FKBP5: variants seen among roughly 807,000 people sequenced by gnomAD.
FKBP5 encodes the protein peptidyl-prolyl cis-trans isomerase FKBP5.
Under a neutral mutation model 50.5 loss-of-function variants are expected in FKBP5, and 23 were observed. The observed-to-expected ratio is 0.46, with a 90% confidence interval of 0.33 to 0.65. The LOEUF (loss-of-function observed/expected upper bound fraction) is 0.65. Among genes scored for constraint, FKBP5 ranks in the 30% least tolerant of loss-of-function variants. The pLI is 0.02. For synonymous variants in FKBP5, 176 were observed against 190.6 expected (o/e 0.92, Z 0.63); for missense variants, 411 against 553.1 (o/e 0.74, Z 2.58).
intron 1 of FKBP5, among the ~76,000 whole-genome samples, chr6:35,679,545 AGT>A (rs1765612567): frequency 6.6e-6 from 1 of 152,238 alleles, no homozygotes; most frequent in Admixed American, 6.5e-5. Flanking sequence ...AAGTTAAATG[AGT>A]AAAGAAAACA....
chr6:35,709,851 A>G (rs1171928730), intron 2 of FKBP5, among the ~76,000 whole-genome samples: 1 of 149,158 alleles, frequency 6.7e-6, no homozygotes, highest in Admixed American at 6.8e-5. Flanking sequence ...TTGTGCATCT[A>G]TGATCTTTAA....
chr6:35,634,968 T>C (rs760581055), intron 3 of FKBP5, among the ~76,000 whole-genome samples: 28 of 146,156 alleles, frequency 1.9e-4, no homozygotes, highest in African/African-American at 6.5e-4. Context: ...GGCGGGCAGA[T>C]TGCTTGAGCC....
At chr6:35,635,026 C>CAAAAAAAAGAAAA (rs1764268280) in intron 3 of FKBP5, among the ~76,000 whole-genome samples, 1 of 75,140 alleles carries the variant, frequency 1.3e-5, no homozygotes, top group Non-Finnish European at 2.6e-5. Flanking sequence ...CCTGTCTCTA[C>CAAAAAAAAGAAAA]AAAAAAAAAA....
At chr6:35,599,677 A>G (rs1186039702) in intron 5 of FKBP5, among the ~76,000 whole-genome samples, 1 of 152,184 alleles carries the variant, frequency 6.6e-6, no homozygotes, top group Non-Finnish European at 1.5e-5. Context: ...CAGCTCCTCC[A>G]AACAAGGGCT....
At chr6:35,701,223 G>GTTTTTTTTTT (rs71002592) in intron 2 of FKBP5, among the ~76,000 whole-genome samples, 4 of 148,220 alleles carry the variant, frequency 2.7e-5, no homozygotes, top group African/African-American at 7.4e-5. Context: ...TTGTTTGTTT[G>GTTTTTTTTTT]TTTGTTTTTG....
intron 9 of FKBP5, among the ~76,000 whole-genome samples, chr6:35,579,184 CGCTCTGT>C (rs1762341014): frequency 6.6e-6 from 1 of 151,716 alleles, no homozygotes. Context: ...TCTCTCTCTC[CGCTCTGT>C]ATGAAAAAAA....
intron 2 of FKBP5, among the ~76,000 whole-genome samples, chr6:35,697,076 C>T (rs372086588): frequency 1.6e-4 from 24 of 152,100 alleles, no homozygotes; most frequent in Non-Finnish European, 3.2e-4. Flanking sequence ...TAATTCCACT[C>T]GTAGGTATTT....
intron 3 of FKBP5, among the ~76,000 whole-genome samples, chr6:35,633,929 C>G (rs553849818): frequency 1.3e-5 from 2 of 152,290 alleles, no homozygotes; most frequent in South Asian, 4.1e-4. Flanking sequence ...ACCGCACTGA[C>G]TCTAGACAGG....
intron 2 of FKBP5, among the ~76,000 whole-genome samples, chr6:35,641,156 T>G (rs1277227446): frequency 6.6e-6 from 1 of 152,122 alleles, no homozygotes; most frequent in Non-Finnish European, 1.5e-5. Context: ...TTTTTTTAAT[T>G]TTTTTTCTAC....
At chr6:35,637,182 A>G in intron 2 of FKBP5, 24 bp from the exon 3 acceptor site, 1 of 1,598,266 alleles carries the variant, frequency 6.3e-7, no homozygotes, top group Non-Finnish European at 8.5e-7. Context: ...ACATTAAGAA[A>G]AAGGAGGTCA....
chr6:35,590,965 T>C (rs373332356), intron 7 of FKBP5, among the ~76,000 whole-genome samples, 165 bp downstream of exon 7: 82 of 151,422 alleles, frequency 5.4e-4, no homozygotes, highest in African/African-American at 1.7e-3. Flanking sequence ...AGCTGTGCTA[T>C]GTCAGTTGTT....
intron 6 of FKBP5, among the ~76,000 whole-genome samples, chr6:35,594,991 C>T (rs914952906): frequency 2.6e-5 from 4 of 152,278 alleles, no homozygotes; most frequent in Admixed American, 2.6e-4. Flanking sequence ...GGTGAGCCGT[C>T]ACAATAGCAA....
intron 1 of FKBP5, among the ~76,000 whole-genome samples, chr6:35,687,969 C>T (rs1765880062): frequency 6.6e-6 from 1 of 152,260 alleles, no homozygotes; most frequent in Admixed American, 6.5e-5. Flanking sequence ...TATACTGTGA[C>T]CGGTGCACCT....
At chr6:35,711,157 A>G (rs939350979) in intron 2 of FKBP5, among the ~76,000 whole-genome samples, 1 of 151,920 alleles carries the variant, frequency 6.6e-6, no homozygotes, top group Non-Finnish European at 1.5e-5. Flanking sequence ...CTGTTTCTAC[A>G]AAAAGAAAAA....
At chr6:35,582,015 A>C (rs909150670) in intron 8 of FKBP5, 2 of 985,454 alleles carry the variant, frequency 2.0e-6, no homozygotes, top group Admixed American at 6.1e-5. Context: ...GTGATGTAAG[A>C]AACGAGCTCT....
chr6:35,666,663 G>A (rs1765235854), intron 1 of FKBP5, among the ~76,000 whole-genome samples: 1 of 152,126 alleles, frequency 6.6e-6, no homozygotes, highest in Non-Finnish European at 1.5e-5. Flanking sequence ...AGCTGAGGCA[G>A]GCGGATCACG....
chr6:35,626,068 C>G (rs571236489), intron 3 of FKBP5, among the ~76,000 whole-genome samples: 1 of 152,064 alleles, frequency 6.6e-6, no homozygotes, highest in Non-Finnish European at 1.5e-5. Context: ...CGTGAGCCAC[C>G]GTGCCTGGCC....
rs545459566 is a variant in FKBP5, at chr6:35,677,172, C to T, written c.-20+11632G>A. On this transcript the variant is annotated intron_variant, in intron 1 of 10. Transcript: ENST00000357266. Reference sequence around the variant, plus strand: ...CACTGCAAGCTCCGCCTCCCGGGTTCACTCCATTCTCCTGCCTCAGCCTCC... The same window carrying T: ...CACTGCAAGCTCCGCCTCCCGGGTTTACTCCATTCTCCTGCCTCAGCCTCC... 3.3e-5 allele frequency among the ~76,000 whole-genome samples: 5 copies of T among 152,318 alleles called. No individual in the cohort carries two copies. In the South Asian group the frequency reaches 1.0e-3, roughly 32 times the overall value.
intron 8 of FKBP5, chr6:35,584,688 G>A (rs2150955024): frequency 1.0e-6 from 1 of 985,424 alleles, no homozygotes; most frequent in East Asian, 1.1e-4. Context: ...GGTACAAAAT[G>A]TTCAGAGACA....
Sources: gnomAD v4.1 joint callset for allele counts (sites outside exome capture counted in the v4.1 genomes callset) on GRCh38, gnomAD v4.1.1 for gene constraint, MANE v1.5 for transcripts, NCBI Gene and HGNC (gene_info 2026-07-23, HGNC 2026-07-21) for gene names.